CELF4: variants seen among roughly 807,000 people sequenced by gnomAD.
The protein encoded by CELF4 is CUG-BP- and ETR-3-like factor 4.
In CELF4, 18 loss-of-function variants were observed where a neutral mutation model predicts 59.9. That is an observed-to-expected ratio of 0.30 (90% CI 0.21 to 0.45). The LOEUF is 0.45. CELF4 is among the 20% of genes least tolerant of loss of function. CELF4 has a pLI of 1.00. For synonymous variants in CELF4, 261 were observed against 267.1 expected (o/e 0.98, Z 0.22); for missense variants, 456 against 689.0 (o/e 0.66, Z 3.79).
At chr18:37,292,572 G>T (rs2095410098) in intron 3 of CELF4, among the ~76,000 whole-genome samples, 1 of 152,182 alleles carries the variant, frequency 6.6e-6, no homozygotes, top group Non-Finnish European at 1.5e-5. Flanking sequence ...CAGGTACTTA[G>T]CACAGTCCCT....
Position 37,245,740 on chromosome 18 carries a change from G to A in CELF4, c.*45-543C>T, listed in dbSNP as rs1301632670. ...TTTCCCGGGGTCAGTAACTATTTGC[G>A]AGGCTGTGTATATATATGTATATCT... On this transcript the variant is annotated intron_variant, in intron 12 of 12. Transcript: ENST00000420428. The surrounding 1 kb of genome is among the most constrained non-coding windows in gnomAD (Gnocchi z 4.1). Among the ~76,000 whole-genome samples, 2 of 152,102 alleles carry A rather than the reference G, an allele frequency of 1.3e-5. No homozygotes were observed. Among genetic ancestry groups the A allele is most frequent in the Non-Finnish European group, 2.9e-5 (2 of 68,022 alleles).
intron 1 of CELF4, among the ~76,000 whole-genome samples, chr18:37,491,171 GAT>G (rs2099903132): frequency 7.3e-6 from 1 of 136,252 alleles, no homozygotes; most frequent in Non-Finnish European, 1.6e-5. Flanking sequence ...ACCCGAGAGG[GAT>G]GCCGTGCCCA....
intron 2 of CELF4, among the ~76,000 whole-genome samples, chr18:37,441,845 C>T (rs1199315460): frequency 6.6e-6 from 1 of 152,162 alleles, no homozygotes; most frequent in East Asian, 1.9e-4. Context: ...ACGACTGCAA[C>T]TCACACCCAT....
chr18:37,417,074 G>GA (rs2099534898), intron 2 of CELF4, among the ~76,000 whole-genome samples: 1 of 151,912 alleles, frequency 6.6e-6, no homozygotes, highest in Admixed American at 6.6e-5. Context: ...AAAGAAAACA[G>GA]AAAAAAAGGG....
At chr18:37,493,851 A>G (rs1214235880) in intron 1 of CELF4, among the ~76,000 whole-genome samples, 2 of 152,298 alleles carry the variant, frequency 1.3e-5, no homozygotes, top group Non-Finnish European at 2.9e-5. Context: ...GAAACTCCAG[A>G]GAAGAACATG....
At chr18:37,517,397 GC>G (rs1446657830) in intron 1 of CELF4, among the ~76,000 whole-genome samples, 1 of 152,070 alleles carries the variant, frequency 6.6e-6, no homozygotes, top group Non-Finnish European at 1.5e-5. Context: ...TCCCAGGGTG[GC>G]TTTTGGGCAG....
chr18:37,394,183 T>A (rs1323956294), intron 2 of CELF4, among the ~76,000 whole-genome samples: 4 of 151,994 alleles, frequency 2.6e-5, no homozygotes, highest in Non-Finnish European at 5.9e-5. Context: ...GCTGTGACCA[T>A]GGCCAGAGAG....
chr18:37,484,353 T>C (rs754563882), intron 2 of CELF4, among the ~76,000 whole-genome samples: 5 of 152,148 alleles, frequency 3.3e-5, no homozygotes, highest in Non-Finnish European at 7.3e-5. Context: ...TACTATAATA[T>C]ATGTGCATGT....
chr18:37,373,624 A>C (rs2098929750), intron 2 of CELF4, among the ~76,000 whole-genome samples: 1 of 152,196 alleles, frequency 6.6e-6, no homozygotes, highest in African/African-American at 2.4e-5. Context: ...AAACTGGCAC[A>C]GGGAGGGTCG....
Position 37,300,228 on chromosome 18 carries a change from CTTTT to C in CELF4, c.448+21571_448+21574del, listed in dbSNP as rs397963393. On this transcript the variant is annotated intron_variant, in intron 3 of 12. Transcript: ENST00000420428. ...TGTGATCTGATCCCATGCTCCAGCA[CTTTT>C]TTTTTTTTTTGATACGGAGTCTTGC... 1.2e-4 allele frequency among the ~76,000 whole-genome samples: 18 copies of C among 144,994 alleles called. No individual in the cohort carries two copies. In the East Asian group the frequency reaches 3.6e-3, roughly 29 times the overall value.
intron 2 of CELF4, among the ~76,000 whole-genome samples, chr18:37,464,147 G>A (rs1395189650): frequency 6.6e-6 from 1 of 152,228 alleles, no homozygotes; most frequent in Non-Finnish European, 1.5e-5. Flanking sequence ...AATTAGCGGT[G>A]CATAATTAGT....
chr18:37,417,682 G>A (rs1690103128), intron 2 of CELF4, among the ~76,000 whole-genome samples: 1 of 152,128 alleles, frequency 6.6e-6, no homozygotes, highest in African/African-American at 2.4e-5. Flanking sequence ...AGAGAGACGG[G>A]GTCAGTAGGA....
intron 2 of CELF4, among the ~76,000 whole-genome samples, chr18:37,337,358 C>T (rs971998726): frequency 6.6e-6 from 1 of 152,164 alleles, no homozygotes; most frequent in East Asian, 1.9e-4. Flanking sequence ...CCTGAGATGG[C>T]CTGGCCTCAA....
intron 1 of CELF4, among the ~76,000 whole-genome samples, chr18:37,512,279 G>T (rs1355040864): frequency 1.3e-5 from 2 of 152,200 alleles, no homozygotes; most frequent in African/African-American, 4.8e-5. Flanking sequence ...CATGTGCTGA[G>T]CGTGATGGGG....
intron 1 of CELF4, among the ~76,000 whole-genome samples, chr18:37,552,375 T>C (rs1467679005): frequency 1.3e-5 from 2 of 152,204 alleles, no homozygotes; most frequent in Admixed American, 1.3e-4. Context: ...CGCCACAGCC[T>C]ATAATTTCCT....
chr18:37,447,049 G>A (rs372687839), intron 2 of CELF4, among the ~76,000 whole-genome samples: 2 of 152,126 alleles, frequency 1.3e-5, no homozygotes, highest in South Asian at 2.1e-4. Context: ...GCAGAAATGA[G>A]GAGATGCAAT....
intron 1 of CELF4, among the ~76,000 whole-genome samples, chr18:37,497,304 C>T (rs561042754): frequency 1.3e-5 from 2 of 152,286 alleles, no homozygotes; most frequent in South Asian, 2.1e-4. Context: ...ATTCATTTCG[C>T]AACCATTTAT....
chr18:37,393,517 C>T (rs938094193), intron 2 of CELF4, among the ~76,000 whole-genome samples: 1 of 152,174 alleles, frequency 6.6e-6, no homozygotes, highest in Admixed American at 6.5e-5. Flanking sequence ...TGGGTTTGGG[C>T]TGCCTGGAGT....
chr18:37,525,220 C>G (rs910471123), intron 1 of CELF4, among the ~76,000 whole-genome samples: 5 of 152,210 alleles, frequency 3.3e-5, no homozygotes, highest in African/African-American at 1.2e-4. Flanking sequence ...CTGTCGCTCT[C>G]TTCAGAGGCC....
Sources: gnomAD v4.1 joint callset for allele counts (sites outside exome capture counted in the v4.1 genomes callset) on GRCh38, gnomAD v4.1.1 for gene constraint, Gnocchi (gnomAD v3.1) non-coding constraint, MANE v1.5 for transcripts, NCBI Gene and HGNC (gene_info 2026-07-23, HGNC 2026-07-21) for gene names.